The following NALCN variants were observed in gnomAD, a reference collection of about 807,000 sequenced individuals.
NALCN encodes sodium leak channel NALCN.
In NALCN, 111 loss-of-function variants were observed where a neutral mutation model predicts 225.3. The observed-to-expected ratio is 0.49, with a 90% CI of 0.42 to 0.58. The LOEUF (loss-of-function observed/expected upper bound fraction) is 0.58, where lower values mean the gene tolerates loss of function less well. NALCN is among the 20% of genes least tolerant of loss of function. The pLI, the probability that NALCN is intolerant of heterozygous loss-of-function variation, is 0.00. For synonymous variants in NALCN, 764 were observed against 769.0 expected (o/e 0.99, Z 0.11); for missense variants, 1,378 against 2,202.4 (o/e 0.63, Z 7.49).
At chr13:101,132,571 T>C (rs530491157) in intron 17 of NALCN, among the ~76,000 whole-genome samples, 1 of 152,246 alleles carries the variant, frequency 6.6e-6, no homozygotes, top group South Asian at 2.1e-4. Flanking sequence ...GATATATACA[T>C]ATTTTAAACT....
chr13:101,172,200 A>G (rs1427391637), intron 15 of NALCN, among the ~76,000 whole-genome samples: 1 of 152,012 alleles, frequency 6.6e-6, no homozygotes, highest in African/African-American at 2.4e-5. Flanking sequence ...TTCCAGGAGA[A>G]CACGGGCCCA....
intron 28 of NALCN, among the ~76,000 whole-genome samples, chr13:101,092,410 C>T (rs1317609617): frequency 1.3e-5 from 2 of 152,190 alleles, no homozygotes; most frequent in South Asian, 2.1e-4. Context: ...AAATCAGAAA[C>T]GTCGTACTTC....
rs372011894 is a variant in NALCN, at chr13:101,075,864, T to G, written c.3954+9A>C. On this transcript the variant is annotated intron_variant, in intron 35 of 43. Transcript: ENST00000251127. ...ACCTTTAAGATAAGATTCTTAACAA[T>G]GTACTTACATGTTTTCCACAGATGG... The G allele has an allele frequency of 6.2e-6, 10 of 1,601,842 alleles. No homozygotes were observed. The African/African-American group carries it at 1.3e-4, about 22-fold the overall frequency.
rs773816964 is a variant in NALCN, at chr13:101,083,101, G to A, written c.3681C>T (p.Leu1227=). 1 of 1,614,070 alleles carries A rather than the reference G, an allele frequency of 6.2e-7. No homozygotes were observed. Among genetic ancestry groups the A allele is most frequent in the Non-Finnish European group, 8.5e-7 (1 of 1,179,964 alleles). The change falls in exon 32 of 44, where the codon CTC becomes CTT. Residue 1227 remains leucine, a synonymous_variant. Transcript: ENST00000251127. ...GGGTGAAACGAAGTACCTTGACAGA[G>A]AGCAACACCGACTGGGCCAGGACGA... The part of the protein sequence containing the change: ...ALLVLAQSVL[L]SVKWDVEDPV...
chr13:101,355,501 A>T (rs2046029395), intron 6 of NALCN, among the ~76,000 whole-genome samples: 1 of 152,336 alleles, frequency 6.6e-6, no homozygotes. Flanking sequence ...AGAGCTAACT[A>T]TCCTAAATAT....
chr13:101,214,225 G>C (rs1314318538), intron 13 of NALCN, among the ~76,000 whole-genome samples: 1 of 145,288 alleles, frequency 6.9e-6, no homozygotes, highest in Non-Finnish European at 1.5e-5. Context: ...TGTTCTCACT[G>C]ATAGGTGGGA....
chr13:101,056,087 A>G lies in NALCN; in HGVS notation c.5024-599T>C, dbSNP rs76502792. ...AACAGGTTACATGAGATGACTTAGG[A>G]AAGTGCATAGCATGACACCTGTGAC... On this transcript the variant is annotated intron_variant, in intron 43 of 43. Coordinates refer to ENST00000251127, the MANE Select transcript of NALCN (RefSeq NM_052867.4). 2.9e-3 allele frequency among the ~76,000 whole-genome samples: 434 copies of G among 152,212 alleles called. 3 individuals are homozygous for G. The highest frequency in any genetic ancestry group is 9.6e-3 in the African/African-American group (397 of 41,532).
intron 3 of NALCN, among the ~76,000 whole-genome samples, chr13:101,378,943 G>A (rs1165090176): frequency 6.6e-6 from 1 of 151,938 alleles, no homozygotes; most frequent in Non-Finnish European, 1.5e-5. Context: ...TAAAGAACCA[G>A]AAGCCATTGT....
rs550145929 is a variant in NALCN at position 101,080,044 on chromosome 13, G to A, written c.3885+1483C>T. Among the ~76,000 whole-genome samples, 18 of 152,284 alleles carry A rather than the reference G, an allele frequency of 1.2e-4. No individual in the cohort carries two copies. The South Asian group carries it at 3.1e-3, about 26-fold the overall frequency. ...GAAGGTAATTATAATAATGCCTACAGGCTTGTATAATCTTTCTAGTTCAAG... is the reference window on the plus strand; with the variant it reads ...GAAGGTAATTATAATAATGCCTACAAGCTTGTATAATCTTTCTAGTTCAAG... On this transcript the variant is annotated intron_variant, in intron 34 of 43. Transcript: ENST00000251127.
At chr13:101,097,522 GA>G (rs1348680582) in intron 27 of NALCN, among the ~76,000 whole-genome samples, 1 of 152,140 alleles carries the variant, frequency 6.6e-6, no homozygotes, top group African/African-American at 2.4e-5. Flanking sequence ...GTATCTTGGT[GA>G]AAAGCCAGGG....
intron 28 of NALCN, 121 bp from the exon 29 acceptor site, chr13:101,090,087 C>T (rs1312439391): frequency 1.5e-6 from 2 of 1,341,222 alleles, no homozygotes; most frequent in Non-Finnish European, 2.1e-6. Flanking sequence ...TATACACACA[C>T]ATATATACAC....
chr13:101,376,442 G>A (rs1330336661), intron 6 of NALCN, among the ~76,000 whole-genome samples: 2 of 151,934 alleles, frequency 1.3e-5, no homozygotes, highest in Non-Finnish European at 2.9e-5. Flanking sequence ...GCTTGAACCC[G>A]GGATGCGGAG....
intron 6 of NALCN, among the ~76,000 whole-genome samples, chr13:101,364,639 G>A (rs1291471997): frequency 6.6e-6 from 1 of 152,010 alleles, no homozygotes; most frequent in Non-Finnish European, 1.5e-5. Context: ...AATACAGTCA[G>A]ATAAAATAAA....
intron 10 of NALCN, among the ~76,000 whole-genome samples, chr13:101,266,576 G>T (rs1274176153): frequency 6.6e-6 from 1 of 152,160 alleles, no homozygotes; most frequent in Non-Finnish European, 1.5e-5. Context: ...CTGCTTGAGT[G>T]AGTAAAACAA....
chr13:101,411,404 G>A (rs938183808), intron 1 of NALCN, among the ~76,000 whole-genome samples: 13 of 149,452 alleles, frequency 8.7e-5, no homozygotes, highest in African/African-American at 2.7e-4. Context: ...AGTGTAATGC[G>A]TGATCTCGGC....
intron 15 of NALCN, among the ~76,000 whole-genome samples, chr13:101,154,161 A>G (rs1336883450): frequency 6.6e-6 from 1 of 152,214 alleles, no homozygotes; most frequent in East Asian, 1.9e-4. Context: ...TGATGTCGGT[A>G]CCATAATTAG....
intron 6 of NALCN, among the ~76,000 whole-genome samples, chr13:101,360,522 C>T (rs1036848330): frequency 1.6e-4 from 25 of 152,154 alleles, no homozygotes; most frequent in African/African-American, 4.3e-4. Context: ...CATGAGCCAC[C>T]GTGCCCTGCC....
At chr13:101,069,819 G>T (rs913645632) in intron 37 of NALCN, among the ~76,000 whole-genome samples, 2 of 152,174 alleles carry the variant, frequency 1.3e-5, no homozygotes, top group Admixed American at 6.5e-5. Context: ...AAACCACTCT[G>T]ATCATCCATA....
At chr13:101,112,078 GAAGT>G (rs934747052) in intron 18 of NALCN, among the ~76,000 whole-genome samples, 1 of 151,726 alleles carries the variant, frequency 6.6e-6, no homozygotes, top group African/African-American at 2.4e-5. Flanking sequence ...GTCATAAAGA[GAAGT>G]AACTAAAGCT....
Sources: gnomAD v4.1 joint callset for allele counts (sites outside exome capture counted in the v4.1 genomes callset) on GRCh38, gnomAD v4.1.1 for gene constraint, MANE v1.5 for transcripts, NCBI Gene and HGNC (gene_info 2026-07-23, HGNC 2026-07-21) for gene names.